Variants in PMPCB observed in about 807,000 individuals in gnomAD.
PMPCB encodes the protein peptidase, mitochondrial processing subunit beta, also known as mitochondrial-processing peptidase subunit beta.
In PMPCB, 46 loss-of-function variants were observed where a neutral mutation model predicts 61.5. The observed-to-expected ratio is 0.75, with a 90% confidence interval of 0.59 to 0.96. The LOEUF (loss-of-function observed/expected upper bound fraction) is 0.96. Ranked by LOEUF, PMPCB falls within the 40% of genes least tolerant of loss-of-function variation. The pLI, the probability that PMPCB is intolerant of heterozygous loss-of-function variation, is 0.00. For synonymous variants in PMPCB, 191 were observed against 201.6 expected, an observed-to-expected ratio of 0.95 and a Z score of 0.44; for missense variants, 590 against 602.4, an observed-to-expected ratio of 0.98 and a Z score of 0.22.
the PMPCB span, chr7:103,344,321 G>A: frequency 1.7e-6 from 1 of 582,316 alleles, no homozygotes; most frequent in African/African-American, 1.9e-5. Context: ...TGAGTCAGCA[G>A]CGGCGAGAGG....
Position 103,312,218 on chromosome 7 carries a change from C to T in PMPCB, c.1417C>T (p.Gln473Ter), listed in dbSNP as rs1293291219. 2.5e-6 allele frequency: 4 copies of T among 1,613,490 alleles called. No homozygotes were observed. The highest frequency in any genetic ancestry group is 1.3e-5 in the African/African-American group (1 of 75,042). ...PAIAAVGPIK[Q>*]LPDFKQIRSN... ...TTTTTAATCCTTAGGTCCCATTAAG[C>T]AACTACCAGATTTTAAACAGATACG... The change falls in exon 13 of 13, where the codon CAA (glutamine) becomes TAA (stop). Residue 473 changes from glutamine (Q) to a stop codon, truncating the protein, a stop_gained. Coordinates refer to ENST00000249269, the MANE Select transcript of PMPCB (RefSeq NM_004279.3). LOFTEE classifies it high-confidence loss of function.
chr7:103,302,429 C>T (rs891709955), intron 4 of PMPCB, among the ~76,000 whole-genome samples: 2 of 152,198 alleles, frequency 1.3e-5, no homozygotes, highest in Non-Finnish European at 2.9e-5. Context: ...GAGCCCCCCT[C>T]CCTGCCTTTG....
downstream of PMPCB, among the ~76,000 whole-genome samples, chr7:103,334,011 C>T (rs1011205455): frequency 2.0e-5 from 3 of 148,250 alleles, no homozygotes; most frequent in East Asian, 2.0e-4. Context: ...AGTGCAGTGG[C>T]GTGATCTCAG....
chr7:103,320,548 C>T (rs887645106), intron 12 of PMPCB, among the ~76,000 whole-genome samples: 3 of 151,270 alleles, frequency 2.0e-5, no homozygotes, highest in Non-Finnish European at 4.4e-5. Flanking sequence ...ATCGTGAGGT[C>T]AGGAGATCGA....
In PMPCB at chr7:103,299,596, T is replaced by C. The variant is rs1012075880; in HGVS notation, c.327+67T>C. Reference sequence around the variant, plus strand: ...ATAATAAGCACAAAGTCTCATTCTTTAGAGGCAGGGAGAGCTCTTTCAGTA... The same window carrying C: ...ATAATAAGCACAAAGTCTCATTCTTCAGAGGCAGGGAGAGCTCTTTCAGTA... On this transcript the variant is annotated intron_variant, in intron 3 of 12. Transcript: ENST00000249269. 5 of 898,148 alleles carry C rather than the reference T, an allele frequency of 5.6e-6. No homozygotes were observed. In the East Asian group the frequency reaches 1.0e-4, roughly 18 times the overall value. 55.6% of individuals were successfully genotyped at this position (898,148 alleles called of 1,614,324 possible).
At chr7:103,317,062 A>G (rs572541381), downstream of PMPCB, 32 of 1,495,386 alleles carry the variant, frequency 2.1e-5, no homozygotes, top group East Asian at 6.1e-4. Flanking sequence ...CTGTATTGCT[A>G]TTCTACACTC....
the PMPCB span, among the ~76,000 whole-genome samples, chr7:103,340,840 T>C: frequency 1.3e-5 from 2 of 152,186 alleles, no homozygotes; most frequent in African/African-American, 4.8e-5. Context: ...ATAGACCAAT[T>C]TCTAACCATC....
intron 12 of PMPCB, chr7:103,319,957 C>G: frequency 9.0e-7 from 1 of 1,112,126 alleles, no homozygotes; most frequent in East Asian, 2.4e-5. Context: ...ATCGCTTGAA[C>G]CTGGAGGCGG....
chr7:103,315,041 G>A (rs1000442108), downstream of PMPCB, among the ~76,000 whole-genome samples: 1 of 151,904 alleles, frequency 6.6e-6, no homozygotes, highest in African/African-American at 2.4e-5. Flanking sequence ...CCATATAATG[G>A]GTGTAACACT....
the PMPCB span, among the ~76,000 whole-genome samples, chr7:103,342,689 A>ATTC: frequency 2.0e-5 from 3 of 147,262 alleles, no homozygotes; most frequent in Non-Finnish European, 4.5e-5. Context: ...GCTCACTGAA[A>ATTC]GCTCCGCCTC....
chr7:103,302,366 T>C (rs1817473799), intron 4 of PMPCB, among the ~76,000 whole-genome samples: 1 of 152,184 alleles, frequency 6.6e-6, no homozygotes, highest in African/African-American at 2.4e-5. Flanking sequence ...TACTAACATA[T>C]ATTAAATACA....
rs1056378508 is a variant in PMPCB at position 103,313,581 on chromosome 7, A to C, written c.*1310A>C. The C allele has an allele frequency of 4.1e-6, 4 of 981,732 alleles. No individual in the cohort carries two copies. Among genetic ancestry groups the C allele is most frequent in the Non-Finnish European group, 3.6e-6 (3 of 826,696 alleles). The allele number at this position is 981,732 out of a possible 1,614,324, so 60.8% of individuals were successfully genotyped here. On this transcript the variant is annotated 3_prime_UTR_variant, in exon 13 of 13. Coordinates refer to ENST00000249269, the MANE Select transcript of PMPCB (RefSeq NM_004279.3). ...GTTTTACACTGAAGGAAACAAACCTAGCAAAATTAAGCCAAGTGCCCAAGG... is the reference window on the plus strand; with the variant it reads ...GTTTTACACTGAAGGAAACAAACCTCGCAAAATTAAGCCAAGTGCCCAAGG...
downstream of PMPCB, among the ~76,000 whole-genome samples, chr7:103,332,321 T>G (rs1314223753): frequency 6.6e-6 from 1 of 152,228 alleles, no homozygotes; most frequent in East Asian, 1.9e-4. Context: ...CTATTATTTT[T>G]AACATTTTAA....
chr7:103,327,893 G>A (rs1013512326), intron 12 of PMPCB: 6 of 548,308 alleles, frequency 1.1e-5, no homozygotes, highest in Admixed American at 3.6e-5. Context: ...CTTATTCAAT[G>A]TGAAAATTAT....
At chr7:103,343,700 T>C in the PMPCB span, among the ~76,000 whole-genome samples, 7 of 152,330 alleles carry the variant, frequency 4.6e-5, no homozygotes, top group East Asian at 1.3e-3. Flanking sequence ...GGAAAATCCC[T>C]GAACAACTTA....
At chr7:103,316,660 T>C, downstream of PMPCB, 1 of 609,626 alleles carries the variant, frequency 1.6e-6, no homozygotes, top group Non-Finnish European at 2.9e-6. Flanking sequence ...ACTGATGCAA[T>C]GGGTAAGACT....
At chr7:103,317,265 C>CATT, downstream of PMPCB, 1 of 425,178 alleles carries the variant, frequency 2.4e-6, no homozygotes, top group African/African-American at 2.0e-5. Context: ...ATGTGACTTC[C>CATT]ATTAGCCTTG....
chr7:103,304,531 T>C lies in PMPCB; in HGVS notation c.736+41T>C, dbSNP rs1025352866. 2.2e-5 allele frequency: 28 copies of C among 1,294,360 alleles called. No homozygotes were observed. In the Admixed American group the frequency reaches 3.5e-4, roughly 16 times the overall value. 80.2% of individuals were successfully genotyped at this position (1,294,360 alleles called of 1,614,324 possible). On this transcript the variant is annotated intron_variant, in intron 6 of 12. Coordinates refer to ENST00000249269, the MANE Select transcript of PMPCB (RefSeq NM_004279.3). Reference sequence around the variant, plus strand: ...TTTCTACAAATGTTTTAAACACAGTTGTTGGAGTGGTATGCTTATTAGTTT... The same window carrying C: ...TTTCTACAAATGTTTTAAACACAGTCGTTGGAGTGGTATGCTTATTAGTTT...
chr7:103,330,634 T>G (rs1164861597), downstream of PMPCB, among the ~76,000 whole-genome samples: 2 of 151,832 alleles, frequency 1.3e-5, no homozygotes, highest in East Asian at 3.9e-4. Context: ...ATATTTTTAG[T>G]AGAGACAGGG....
Sources: gnomAD v4.1 joint callset for allele counts (sites outside exome capture counted in the v4.1 genomes callset) on GRCh38, gnomAD v4.1.1 for gene constraint, MANE v1.5 for transcripts, NCBI Gene and HGNC (gene_info 2026-07-23, HGNC 2026-07-21) for gene names.